B3GAT2: variants seen among roughly 807,000 people sequenced by gnomAD.
B3GAT2 encodes beta-1,3-glucuronyltransferase 2, also known as galactosylgalactosylxylosylprotein 3-beta-glucuronosyltransferase 2.
In B3GAT2, 26 loss-of-function variants were observed where a neutral mutation model predicts 27.8. The observed-to-expected ratio is 0.93, with a 90% CI of 0.68 to 1.30. B3GAT2 has a LOEUF of 1.30. Among genes scored for constraint, B3GAT2 ranks in the 50% most tolerant of loss-of-function variants. The pLI is 0.00. For missense variants in B3GAT2, 458 were observed against 459.0 expected (o/e 1.00, Z 0.02); for synonymous variants, 218 against 195.1 (o/e 1.12, Z -0.98).
chr6:70,863,967 T>C (rs536017115), intron 2 of B3GAT2, among the ~76,000 whole-genome samples: 9 of 152,152 alleles, frequency 5.9e-5, no homozygotes, highest in South Asian at 4.1e-4. Context: ...GAGGTTCAAA[T>C]TGATAACGTA....
rs550046864 is a variant in B3GAT2, at chr6:70,866,911, T to C, written c.737-4933A>G. ...CATTATCACGATAGTTAGACCATAG[T>C]CTGGGCCATAAATCTGTCTCAATAC... On this transcript the variant is annotated intron_variant, in intron 2 of 3. Transcript: ENST00000230053. Among the ~76,000 whole-genome samples, 19 of 152,296 alleles carry C rather than the reference T, an allele frequency of 1.2e-4. No homozygotes were observed. In the South Asian group the frequency reaches 2.9e-3, roughly 23 times the overall value.
chr6:70,874,294 A>C (rs928021128), intron 2 of B3GAT2, among the ~76,000 whole-genome samples: 1 of 152,194 alleles, frequency 6.6e-6, no homozygotes, highest in African/African-American at 2.4e-5. Flanking sequence ...TGGGCAATGA[A>C]GTCTGTGTTC....
chr6:70,892,004 T>G (rs1772298031), intron 2 of B3GAT2, among the ~76,000 whole-genome samples: 1 of 152,198 alleles, frequency 6.6e-6, no homozygotes, highest in South Asian at 2.1e-4. Context: ...AATAATTTAC[T>G]GAAAGCTAAG....
chr6:70,937,801 G>A (rs913133183), intron 1 of B3GAT2, among the ~76,000 whole-genome samples: 5 of 152,116 alleles, frequency 3.3e-5, no homozygotes, highest in East Asian at 3.9e-4. Flanking sequence ...ATATCATACT[G>A]AATGGGCAAA....
intron 1 of B3GAT2, among the ~76,000 whole-genome samples, chr6:70,951,080 A>G (rs979044792): frequency 6.6e-6 from 1 of 152,158 alleles, no homozygotes; most frequent in African/African-American, 2.4e-5. Context: ...CTTAAATTTC[A>G]TGCTTCACAA....
At chr6:70,908,326 T>C (rs1382759234) in intron 1 of B3GAT2, among the ~76,000 whole-genome samples, 1 of 152,214 alleles carries the variant, frequency 6.6e-6, no homozygotes, top group Non-Finnish European at 1.5e-5. Flanking sequence ...AAGCTTTCCA[T>C]CTTGGCCATC....
At chr6:70,864,912 G>A (rs1562212765) in intron 2 of B3GAT2, among the ~76,000 whole-genome samples, 3 of 151,938 alleles carry the variant, frequency 2.0e-5, no homozygotes, top group Non-Finnish European at 4.4e-5. Context: ...CATGGGAGTA[G>A]GATTTTCTGC....
At chr6:70,908,071 G>T (rs1336306623) in intron 1 of B3GAT2, among the ~76,000 whole-genome samples, 3 of 152,132 alleles carry the variant, frequency 2.0e-5, no homozygotes, top group Admixed American at 1.3e-4. Flanking sequence ...TATCTCCCTG[G>T]CATGTAGCTA....
At chr6:70,881,955 C>T (rs1276140944) in intron 2 of B3GAT2, among the ~76,000 whole-genome samples, 1 of 152,128 alleles carries the variant, frequency 6.6e-6, no homozygotes, top group Middle Eastern at 3.2e-3. Context: ...ACTTTCTAAT[C>T]CTGATCTTTT....
Position 70,861,553 on chromosome 6 carries a change from T to C in B3GAT2, c.*110A>G. On this transcript the variant is annotated 3_prime_UTR_variant, in exon 4 of 4. Coordinates refer to ENST00000230053, the MANE Select transcript of B3GAT2 (RefSeq NM_080742.3). ...TCCATCAGATGACAAGAAAGGCTGC[T>C]GTACTGAAGTAAAACAAACAATACC... 1.1e-6 allele frequency: 1 copy of C among 920,798 alleles called. No individual in the cohort carries two copies. The allele number at this position is 920,798 out of a possible 1,614,324, so 57.0% of individuals were successfully genotyped here.
chr6:70,885,738 T>G (rs887762426), intron 2 of B3GAT2, among the ~76,000 whole-genome samples: 2 of 152,156 alleles, frequency 1.3e-5, no homozygotes, highest in Non-Finnish European at 2.9e-5. Flanking sequence ...TACTTCAACC[T>G]CAACACAACC....
intron 1 of B3GAT2, among the ~76,000 whole-genome samples, chr6:70,907,438 G>C (rs140134954): frequency 6.6e-6 from 1 of 152,182 alleles, no homozygotes; most frequent in Non-Finnish European, 1.5e-5. Context: ...AAAGACTTCA[G>C]GACGGTGATG....
intron 1 of B3GAT2, among the ~76,000 whole-genome samples, chr6:70,934,899 T>C (rs1423834093): frequency 6.6e-6 from 1 of 152,230 alleles, no homozygotes; most frequent in Non-Finnish European, 1.5e-5. Context: ...AATAGTTAAT[T>C]ACCCAACCCT....
intron 1 of B3GAT2, among the ~76,000 whole-genome samples, chr6:70,897,513 C>T (rs961596910): frequency 9.2e-5 from 14 of 151,624 alleles, no homozygotes; most frequent in East Asian, 3.9e-4. Context: ...TCGAGGTGGG[C>T]GGATCACTTG....
At chr6:70,881,401 T>A (rs927915691) in intron 2 of B3GAT2, among the ~76,000 whole-genome samples, 13 of 152,328 alleles carry the variant, frequency 8.5e-5, no homozygotes, top group African/African-American at 2.2e-4. Flanking sequence ...TTACTTTTTT[T>A]AATTATCTAC....
intron 1 of B3GAT2, 120 bp downstream of exon 1, chr6:70,955,719 G>T: frequency 8.3e-7 from 1 of 1,199,774 alleles, no homozygotes; most frequent in Non-Finnish European, 1.1e-6. Context: ...CCGAATGCGC[G>T]CACGGAGAAC....
chr6:70,867,478 A>G (rs1485456765), intron 2 of B3GAT2, among the ~76,000 whole-genome samples: 5 of 152,140 alleles, frequency 3.3e-5, no homozygotes, highest in Admixed American at 3.3e-4. Context: ...AGCCTCAGAA[A>G]TGAAAGAGAT....
intron 2 of B3GAT2, among the ~76,000 whole-genome samples, chr6:70,879,480 G>GACTCATTC (rs1554212867): frequency 2.0e-5 from 3 of 151,544 alleles, no homozygotes; most frequent in Admixed American, 6.6e-5. Context: ...CTAAACTTAG[G>GACTCATTC]ATTCATTCAT....
At chr6:70,900,289 C>A (rs1772475498) in intron 1 of B3GAT2, among the ~76,000 whole-genome samples, 1 of 152,214 alleles carries the variant, frequency 6.6e-6, no homozygotes, top group Non-Finnish European at 1.5e-5. Flanking sequence ...AGGCTGAATG[C>A]CATTTAAACT....
Sources: allele counts gnomAD v4.1 joint callset (sites outside exome capture counted in the v4.1 genomes callset), GRCh38; gene constraint gnomAD v4.1.1; transcripts MANE v1.5; gene names NCBI Gene and HGNC (gene_info 2026-07-23, HGNC 2026-07-21).